The following MGMT variants were observed in gnomAD, a reference collection of about 807,000 sequenced individuals.
The protein encoded by MGMT is O-6-methylguanine-DNA methyltransferase.
Under a neutral mutation model 15.9 loss-of-function variants are expected in MGMT, and 14 were observed. The observed-to-expected ratio is 0.88, with a 90% CI of 0.58 to 1.37. MGMT has a LOEUF of 1.37. Ranked by LOEUF, MGMT falls within the 40% of genes most tolerant of loss-of-function variation. MGMT has a pLI of 0.00. For synonymous variants in MGMT, 130 were observed against 118.2 expected, an observed-to-expected ratio of 1.10 and a Z score of -0.65; for missense variants, 282 against 268.1, an observed-to-expected ratio of 1.05 and a Z score of -0.36.
chr10:129,760,517 T>C (rs1289393372), intron 4 of MGMT, among the ~76,000 whole-genome samples: 1 of 152,170 alleles, frequency 6.6e-6, no homozygotes, highest in South Asian at 2.1e-4. Flanking sequence ...GGCTTTACTG[T>C]CTATTTCCAA....
chr10:129,692,676 G>A (rs1336803302), intron 2 of MGMT, among the ~76,000 whole-genome samples: 2 of 152,190 alleles, frequency 1.3e-5, no homozygotes, highest in South Asian at 2.1e-4. Flanking sequence ...TGGGCCCAGC[G>A]TGGCCATGGC....
intron 1 of MGMT, among the ~76,000 whole-genome samples, chr10:129,524,502 A>G (rs1052447726): frequency 2.6e-5 from 4 of 151,470 alleles, no homozygotes; most frequent in African/African-American, 9.7e-5. Context: ...TTTGGTCTGC[A>G]GTGACATGGC....
At chr10:129,762,215 C>T (rs898535739) in intron 4 of MGMT, among the ~76,000 whole-genome samples, 10 of 152,342 alleles carry the variant, frequency 6.6e-5, no homozygotes, top group African/African-American at 2.4e-4. Context: ...GAAAACATCC[C>T]TTATATTCAG....
chr10:129,719,008 C>T (rs1325712134), intron 3 of MGMT, among the ~76,000 whole-genome samples: 1 of 152,016 alleles, frequency 6.6e-6, no homozygotes, highest in Admixed American at 6.5e-5. Context: ...AGGTATGTCA[C>T]CTTCCTGAGA....
intron 2 of MGMT, among the ~76,000 whole-genome samples, chr10:129,557,981 C>A (rs2119802894): frequency 6.6e-6 from 1 of 152,280 alleles, no homozygotes; most frequent in Non-Finnish European, 1.5e-5. Flanking sequence ...TCATTTTAAA[C>A]CTTTAACTGG....
At chr10:129,512,857 G>A (rs572035939) in intron 1 of MGMT, among the ~76,000 whole-genome samples, 8 of 152,270 alleles carry the variant, frequency 5.3e-5, no homozygotes, top group African/African-American at 1.9e-4. Context: ...CTGAAAACAT[G>A]AAGCATAGAA....
intron 3 of MGMT, among the ~76,000 whole-genome samples, chr10:129,730,789 A>C (rs2133162164): frequency 6.6e-6 from 1 of 152,262 alleles, no homozygotes; most frequent in South Asian, 2.1e-4. Context: ...TCAGTTATTC[A>C]GCTTTGAGCT....
chr10:129,740,866 T>G (rs1848623786), intron 3 of MGMT, among the ~76,000 whole-genome samples: 1 of 152,200 alleles, frequency 6.6e-6, no homozygotes, highest in Admixed American at 6.5e-5. Flanking sequence ...TAGTAAGCAC[T>G]CAGTAAGTCT....
At chr10:129,489,612 C>T (rs1175577548) in intron 1 of MGMT, among the ~76,000 whole-genome samples, 1 of 151,780 alleles carries the variant, frequency 6.6e-6, no homozygotes, top group Non-Finnish European at 1.5e-5. Context: ...CGCTCTTGCA[C>T]TCTCTGTCTC....
intron 2 of MGMT, among the ~76,000 whole-genome samples, chr10:129,586,428 CACATATAT>C (rs1846618917): frequency 6.6e-6 from 1 of 152,188 alleles, no homozygotes; most frequent in Non-Finnish European, 1.5e-5. Flanking sequence ...TTTTGTGATG[CACATATAT>C]ACATATATAT....
At chr10:129,660,467 A>C (rs1446540447) in intron 2 of MGMT, among the ~76,000 whole-genome samples, 1 of 152,098 alleles carries the variant, frequency 6.6e-6, no homozygotes, top group Admixed American at 6.6e-5. Context: ...AAACAGACAA[A>C]AAACCCAAGA....
chr10:129,713,284 G>C (rs563289302), intron 3 of MGMT, among the ~76,000 whole-genome samples: 76 of 152,272 alleles, frequency 5.0e-4, no homozygotes, highest in Middle Eastern at 3.4e-3. Context: ...ACCTTCTTCC[G>C]ATGCCCGTTT....
At chr10:129,506,754 A>G (rs978800170) in intron 1 of MGMT, among the ~76,000 whole-genome samples, 1 of 151,976 alleles carries the variant, frequency 6.6e-6, no homozygotes, top group African/African-American at 2.4e-5. Context: ...GCCTTTGTAC[A>G]CTCTGTTTAT....
Position 129,692,653 on chromosome 10 carries a change from T to C in MGMT, c.126-15242T>C, listed in dbSNP as rs113147603. Among the ~76,000 whole-genome samples the C allele has an allele frequency of 5.5e-4, 83 of 152,240 alleles. 3 individuals are homozygous for C. The highest frequency in any genetic ancestry group is 1.9e-3 in the African/African-American group (79 of 41,546). On this transcript the variant is annotated intron_variant, in intron 2 of 4. Coordinates refer to ENST00000651593, the MANE Select transcript of MGMT (RefSeq NM_002412.5). ...AAGGGCAGCGAGGAGGTCCTGTGGG[T>C]CCGGGTGTGGCGTGGGCCCAGCGTG...
intron 2 of MGMT, among the ~76,000 whole-genome samples, chr10:129,655,811 G>C (rs1016940917): frequency 3.3e-5 from 5 of 152,180 alleles, no homozygotes; most frequent in African/African-American, 1.2e-4. Context: ...TCTAAATCTT[G>C]CAAAAGCACA....
At chr10:129,509,047 C>T (rs1007691953) in intron 1 of MGMT, among the ~76,000 whole-genome samples, 1 of 152,186 alleles carries the variant, frequency 6.6e-6, no homozygotes, top group African/African-American at 2.4e-5. Flanking sequence ...CTCTTTTCTG[C>T]TGGGCTGCGA....
At chr10:129,663,196 A>C (rs545698385) in intron 2 of MGMT, among the ~76,000 whole-genome samples, 1 of 152,376 alleles carries the variant, frequency 6.6e-6, no homozygotes, top group East Asian at 1.9e-4. Flanking sequence ...CTCTGATCAC[A>C]GTGCAATAAA....
intron 2 of MGMT, among the ~76,000 whole-genome samples, chr10:129,592,450 C>T (rs568721715): frequency 1.3e-5 from 2 of 152,264 alleles, no homozygotes; most frequent in Admixed American, 6.5e-5. Flanking sequence ...CTCAGTGAAC[C>T]AGTATTTTCT....
At chr10:129,568,464 G>A (rs118094919) in intron 2 of MGMT, among the ~76,000 whole-genome samples, 408 of 152,234 alleles carry the variant, frequency 2.7e-3, no homozygotes, top group Non-Finnish European at 4.3e-3. Context: ...AGACGACACC[G>A]AAGAACTTCT....
Sources: gnomAD v4.1 joint callset for allele counts (sites outside exome capture counted in the v4.1 genomes callset) on GRCh38, gnomAD v4.1.1 for gene constraint, MANE v1.5 for transcripts, NCBI Gene and HGNC (gene_info 2026-07-23, HGNC 2026-07-21) for gene names.